Variants in PTPRD observed in about 807,000 individuals in gnomAD.
The protein encoded by PTPRD is protein tyrosine phosphatase receptor type D, also known as receptor-type tyrosine-protein phosphatase delta.
A neutral mutation model predicts 214.5 loss-of-function variants in PTPRD; 34 were observed. That is an observed-to-expected ratio of 0.16 (90% CI 0.12 to 0.21). The LOEUF is 0.21. Ranked by LOEUF, PTPRD falls within the 10% of genes least tolerant of loss-of-function variation. PTPRD has a pLI of 1.00. For missense variants in PTPRD, 2,545 were observed against 2,398.7 expected (o/e 1.06, Z -1.27); for synonymous variants, 1,128 against 845.7 (o/e 1.33, Z -5.79).
chr9:9,217,817 T>C (rs573885363), intron 9 of PTPRD, among the ~76,000 whole-genome samples: 6 of 152,128 alleles, frequency 3.9e-5, no homozygotes, highest in Non-Finnish European at 8.8e-5. Flanking sequence ...TGTCCAGTAT[T>C]ATCTTGTCCA....
chr9:9,333,420 A>G (rs758001653), intron 9 of PTPRD, among the ~76,000 whole-genome samples: 1 of 150,162 alleles, frequency 6.7e-6, no homozygotes, highest in African/African-American at 2.5e-5. Context: ...TAAAAGCTAC[A>G]TAGAGAGCAT....
At chr9:9,004,132 G>A (rs1395216028) in intron 11 of PTPRD, among the ~76,000 whole-genome samples, 1 of 151,892 alleles carries the variant, frequency 6.6e-6, no homozygotes, top group Non-Finnish European at 1.5e-5. Context: ...AGAATTTAAG[G>A]TAAACAGCTT....
At chr9:9,781,016 G>A (rs1358062408) in intron 5 of PTPRD, among the ~76,000 whole-genome samples, 1 of 152,156 alleles carries the variant, frequency 6.6e-6, no homozygotes, top group Non-Finnish European at 1.5e-5. Context: ...TGATGGCCAG[G>A]GGTTGGCAGG....
intron 3 of PTPRD, among the ~76,000 whole-genome samples, chr9:10,046,221 A>G (rs2097392288): frequency 6.6e-6 from 1 of 151,844 alleles, no homozygotes; most frequent in African/African-American, 2.4e-5. Context: ...CATTAGAGAT[A>G]ATTTCAATAT....
At chr9:8,915,302 A>T (rs949100927) in intron 11 of PTPRD, among the ~76,000 whole-genome samples, 11 of 152,304 alleles carry the variant, frequency 7.2e-5, no homozygotes, top group African/African-American at 2.6e-4. Flanking sequence ...AACCAGTGTC[A>T]ATGAAGGTCG....
intron 7 of PTPRD, among the ~76,000 whole-genome samples, chr9:9,695,875 C>A (rs1297756262): frequency 3.9e-5 from 6 of 151,944 alleles, no homozygotes; most frequent in African/African-American, 1.2e-4. Context: ...ATATAGCATC[C>A]TTGTCTGGGT....
At chr9:9,357,175 A>G (rs895284177) in intron 9 of PTPRD, among the ~76,000 whole-genome samples, 2 of 151,348 alleles carry the variant, frequency 1.3e-5, no homozygotes, top group Admixed American at 6.6e-5. Context: ...CAGCTGATTT[A>G]GACACCAGCA....
At chr9:8,799,143 A>G (rs911636581) in intron 11 of PTPRD, among the ~76,000 whole-genome samples, 4 of 152,186 alleles carry the variant, frequency 2.6e-5, no homozygotes, top group Non-Finnish European at 5.9e-5. Flanking sequence ...ACAGGTATCT[A>G]TAAGAAACTT....
intron 8 of PTPRD, among the ~76,000 whole-genome samples, chr9:9,539,617 C>G (rs1429083828): frequency 4.6e-5 from 7 of 151,716 alleles, no homozygotes; most frequent in Non-Finnish European, 2.9e-5. Context: ...ACTGTATTAG[C>G]AATGTACTGC....
chr9:8,327,574 C>G (rs113873352), intron 44 of PTPRD, among the ~76,000 whole-genome samples: 1 of 152,100 alleles, frequency 6.6e-6, no homozygotes, highest in Non-Finnish European at 1.5e-5. Context: ...GAGCTGTGTT[C>G]AAGTCCTGAA....
rs144863172 is a variant in PTPRD, at chr9:8,675,178, C to G, written c.65-38334G>C. On this transcript the variant is annotated intron_variant, in intron 12 of 45. Transcript: ENST00000381196. ...TGCTTGAGATCCGCAGTTGATTCCACCCGGGTTTGAAATCTGGCTCCCAAC... is the reference window on the plus strand; with the variant it reads ...TGCTTGAGATCCGCAGTTGATTCCAGCCGGGTTTGAAATCTGGCTCCCAAC... 4.5e-4 allele frequency among the ~76,000 whole-genome samples: 69 copies of G among 152,124 alleles called. 1 individual carries two copies. The highest frequency in any genetic ancestry group is 1.6e-3 in the African/African-American group (67 of 41,486).
intron 3 of PTPRD, among the ~76,000 whole-genome samples, chr9:10,144,621 G>C (rs1269460970): frequency 6.6e-6 from 1 of 152,084 alleles, no homozygotes; most frequent in East Asian, 1.9e-4. Flanking sequence ...TTCTACTGGA[G>C]AGCACAAGCC....
chr9:9,382,808 C>A (rs1360367502), intron 9 of PTPRD, among the ~76,000 whole-genome samples: 2 of 152,008 alleles, frequency 1.3e-5, no homozygotes, highest in East Asian at 1.9e-4. Flanking sequence ...TCTGGATATA[C>A]ATTCAAAGAA....
rs537330706 is a variant in PTPRD at position 9,809,542 on chromosome 9, G to A, written c.-367-42691C>T. ...GCCTCCCAAAGTGCTGGGATTACAGGCGTGAGCCACTGCTCCCAGCAGGAT... is the reference window on the plus strand; with the variant it reads ...GCCTCCCAAAGTGCTGGGATTACAGACGTGAGCCACTGCTCCCAGCAGGAT... On this transcript the variant is annotated intron_variant, in intron 5 of 45. Transcript: ENST00000381196. Among the ~76,000 whole-genome samples the A allele has an allele frequency of 1.2e-4, 18 of 152,268 alleles. No individual in the cohort carries two copies. In the South Asian group the frequency reaches 3.1e-3, roughly 26 times the overall value.
chr9:10,084,620 T>A (rs1317114883), intron 3 of PTPRD, among the ~76,000 whole-genome samples: 1 of 151,954 alleles, frequency 6.6e-6, no homozygotes, highest in East Asian at 1.9e-4. Context: ...CACTTGATTA[T>A]TGCATTTGGG....
intron 11 of PTPRD, among the ~76,000 whole-genome samples, chr9:8,989,075 GT>G (rs1555659810): frequency 6.6e-6 from 1 of 151,860 alleles, no homozygotes; most frequent in Non-Finnish European, 1.5e-5. Context: ...CTATGTCTCA[GT>G]TTTTTTATTA....
chr9:8,752,108 A>G (rs10815929), intron 11 of PTPRD, among the ~76,000 whole-genome samples: 78,454 of 152,034 alleles, frequency 0.52, 23,709 homozygotes, highest in South Asian at 0.66. Context: ...GAGCAACTTT[A>G]TCTTGAAAAG....
At chr9:9,768,708 T>A (rs1247383549) in intron 5 of PTPRD, among the ~76,000 whole-genome samples, 1 of 152,110 alleles carries the variant, frequency 6.6e-6, no homozygotes, top group Non-Finnish European at 1.5e-5. Context: ...GGAAACAAAG[T>A]TTTCCACAGG....
At chr9:10,506,728 G>T (rs2046108823) in intron 2 of PTPRD, among the ~76,000 whole-genome samples, 2 of 152,070 alleles carry the variant, frequency 1.3e-5, no homozygotes, top group South Asian at 4.1e-4. Context: ...CATTTCTTCA[G>T]TTTATCTTTC....
Sources: allele counts gnomAD v4.1 joint callset (sites outside exome capture counted in the v4.1 genomes callset), GRCh38; gene constraint gnomAD v4.1.1; transcripts MANE v1.5; gene names NCBI Gene and HGNC (gene_info 2026-07-23, HGNC 2026-07-21).